CNTNAP3B: variants seen among roughly 807,000 people sequenced by gnomAD.
CNTNAP3B encodes the protein contactin-associated protein-like 3B.
A neutral mutation model predicts 108.9 loss-of-function variants in CNTNAP3B; 25 were observed. That is an observed-to-expected ratio of 0.23 (90% CI 0.17 to 0.32). CNTNAP3B has a LOEUF of 0.32. Ranked by LOEUF, CNTNAP3B falls within the 10% of genes least tolerant of loss-of-function variation. CNTNAP3B has a pLI of 1.00. For synonymous variants in CNTNAP3B, 103 were observed against 473.4 expected (o/e 0.22, Z 10.16); for missense variants, 252 against 1,210.4 (o/e 0.21, Z 11.75).
At chr9:41,975,167 G>A in intron 9 of CNTNAP3B, 1 of 192,404 alleles carries the variant, frequency 5.2e-6, no homozygotes, top group Admixed American at 6.6e-5. Context: ...CGGTGGGGAA[G>A]ACTAGCAAAT....
At chr9:41,931,012 A>T (rs1233514659) in intron 14 of CNTNAP3B, among the ~76,000 whole-genome samples, 2 of 152,200 alleles carry the variant, frequency 1.3e-5, no homozygotes, top group South Asian at 4.1e-4. Context: ...CAGACAAAAC[A>T]CTCTTAGTCC....
intron 12 of CNTNAP3B, among the ~76,000 whole-genome samples, chr9:41,957,609 T>C (rs1445298594): frequency 3.4e-5 from 5 of 148,778 alleles, no homozygotes; most frequent in Admixed American, 6.7e-5. Context: ...AGAATTTCCA[T>C]CTTGCTGCTT....
chr9:41,932,823 G>A (rs1295575549), intron 14 of CNTNAP3B, among the ~76,000 whole-genome samples: 1 of 152,168 alleles, frequency 6.6e-6, no homozygotes, highest in Non-Finnish European at 1.5e-5. Flanking sequence ...CAGCCCAACT[G>A]TTAATGATTA....
chr9:41,924,397 A>G (rs1300389869), intron 15 of CNTNAP3B, among the ~76,000 whole-genome samples: 3 of 152,292 alleles, frequency 2.0e-5, no homozygotes, highest in Non-Finnish European at 2.9e-5. Context: ...ATCACCTCAA[A>G]GGTACGACCA....
chr9:42,026,574 A>G lies in CNTNAP3B; in HGVS notation c.391-13049T>C, dbSNP rs1826412409. On this transcript the variant is annotated intron_variant, in intron 3 of 23. Transcript: ENST00000377561. ...GGCACGGCACTCCAGCCCGGGCGAC[A>G]GAGTGAGCCTCCGTCTCAGGGAAAA... Among the ~76,000 whole-genome samples the G allele has an allele frequency of 3.3e-5, 3 of 92,168 alleles. 1 individual carries two copies. Among genetic ancestry groups the G allele is most frequent in the Admixed American group, 2.2e-4 (2 of 9,024 alleles). 60.5% of individuals were successfully genotyped at this position (92,168 alleles called of 152,430 possible).
chr9:42,010,378 C>T (rs1826111625), intron 4 of CNTNAP3B, among the ~76,000 whole-genome samples: 1 of 149,142 alleles, frequency 6.7e-6, no homozygotes. Context: ...TGAAATCATG[C>T]AAGGTGTAAT....
chr9:42,096,365 T>A (rs1314770250), intron 2 of CNTNAP3B, among the ~76,000 whole-genome samples: 1 of 140,376 alleles, frequency 7.1e-6, no homozygotes, highest in East Asian at 2.2e-4. Context: ...AGCAGAAAAA[T>A]TAAAACACCT....
intron 14 of CNTNAP3B, among the ~76,000 whole-genome samples, chr9:41,934,460 A>T (rs1384450355): frequency 6.6e-6 from 1 of 152,254 alleles, no homozygotes; most frequent in Non-Finnish European, 1.5e-5. Flanking sequence ...TGACCTTGTG[A>T]TCTGCCCGCC....
In CNTNAP3B at chr9:42,128,218, T is replaced by A. The variant is rs1328428574; in HGVS notation, c.85+792A>T. ...GTGATAAAATATGGGTACATTATGT[T>A]TTGCTCATCTGTCTGGAATATCATC... On this transcript the variant is annotated intron_variant, in intron 1 of 23. Transcript: ENST00000377561. 1.4e-5 allele frequency among the ~76,000 whole-genome samples: 2 copies of A among 140,114 alleles called. 1 individual carries two copies. The highest frequency in any genetic ancestry group is 3.1e-5 in the Non-Finnish European group (2 of 65,190). 91.9% of individuals were successfully genotyped at this position (140,114 alleles called of 152,430 possible). A position where few individuals can be genotyped will look rare whatever the true frequency, so the allele number is the denominator to read the frequency against.
At position 42,111,308 on chromosome 9, in the gene CNTNAP3B, G is replaced by T. The variant is rs948358178; in HGVS notation, c.86-6569C>A. ...TTTGTTGAAAATCTATACTGTGCCA[G>T]GTGTGCCCCTATGTTCTGGGGATAT... On this transcript the variant is annotated intron_variant, in intron 1 of 23. Coordinates refer to ENST00000377561, the MANE Select transcript of CNTNAP3B (RefSeq NM_001201380.3). Among the ~76,000 whole-genome samples, 12 of 139,322 alleles carry T rather than the reference G, an allele frequency of 8.6e-5. 2 individuals are homozygous for T. The highest frequency in any genetic ancestry group is 7.1e-4 in the Admixed American group (10 of 14,026). The allele number at this position is 139,322 out of a possible 152,430, so 91.4% of individuals were successfully genotyped here.
At chr9:41,944,806 A>G (rs1220207432) in intron 13 of CNTNAP3B, among the ~76,000 whole-genome samples, 1 of 152,296 alleles carries the variant, frequency 6.6e-6, no homozygotes, top group Non-Finnish European at 1.5e-5. Flanking sequence ...GCACAGCAAA[A>G]GAAACTACCA....
chr9:42,111,328 G>A (rs1828189041), intron 1 of CNTNAP3B, among the ~76,000 whole-genome samples: 1 of 138,742 alleles, frequency 7.2e-6, no homozygotes, highest in Non-Finnish European at 1.5e-5. Flanking sequence ...TATGTTCTGG[G>A]GATATAACCA....
intron 1 of CNTNAP3B, among the ~76,000 whole-genome samples, chr9:42,109,915 G>C (rs1828158911): frequency 7.3e-6 from 1 of 137,602 alleles, no homozygotes; most frequent in African/African-American, 2.9e-5. Context: ...AAAGAGAAGA[G>C]GGTGTGAAAA....
At chr9:41,961,783 C>T (rs1225321879) in intron 11 of CNTNAP3B, among the ~76,000 whole-genome samples, 1 of 152,286 alleles carries the variant, frequency 6.6e-6, no homozygotes, top group East Asian at 1.9e-4. Flanking sequence ...GAAAGATATC[C>T]CTATATAATG....
At chr9:42,055,107 C>A (rs1337494655) in intron 3 of CNTNAP3B, among the ~76,000 whole-genome samples, 1 of 138,942 alleles carries the variant, frequency 7.2e-6, no homozygotes, top group Non-Finnish European at 1.5e-5. Flanking sequence ...GCATTAAAAT[C>A]ACTACTTATT....
At chr9:41,963,201 A>G (rs1367798353) in intron 11 of CNTNAP3B, among the ~76,000 whole-genome samples, 2 of 152,296 alleles carry the variant, frequency 1.3e-5, no homozygotes, top group Non-Finnish European at 2.9e-5. Flanking sequence ...TGAAAATCAA[A>G]TGTCTCATGG....
At chr9:41,926,592 G>T (rs1823826490) in intron 15 of CNTNAP3B, 1 of 152,290 alleles carries the variant, frequency 6.6e-6, no homozygotes, top group Non-Finnish European at 1.5e-5. Flanking sequence ...CTTCCTAGTT[G>T]CTGGGACTAC....
In CNTNAP3B at chr9:42,095,692, T is replaced by C. The variant is rs1336249112; in HGVS notation, c.196+8937A>G. 2.2e-5 allele frequency among the ~76,000 whole-genome samples: 3 copies of C among 139,174 alleles called. No homozygotes were observed. The South Asian group carries it at 6.9e-4, about 32-fold the overall frequency. The allele number at this position is 139,174 out of a possible 152,430, so 91.3% of individuals were successfully genotyped here. On this transcript the variant is annotated intron_variant, in intron 2 of 23. Transcript: ENST00000377561. Reference sequence around the variant, plus strand: ...TTCTGGCTGATACAGAGACTGGAAGTAGTCACAACAGGTGTCTCCGTCCAG... The same window carrying C: ...TTCTGGCTGATACAGAGACTGGAAGCAGTCACAACAGGTGTCTCCGTCCAG...
rs1828604901 is a variant in CNTNAP3B, at chr9:42,127,796, G to A, written c.85+1214C>T. ...ACAACTGAATCATGATGCACAGTGAGTGCATGAACCCATGTGCGTGCCCTG... is the reference window on the plus strand; with the variant it reads ...ACAACTGAATCATGATGCACAGTGAATGCATGAACCCATGTGCGTGCCCTG... On this transcript the variant is annotated intron_variant, in intron 1 of 23. Transcript: ENST00000377561. 1.4e-5 allele frequency among the ~76,000 whole-genome samples: 2 copies of A among 139,624 alleles called. 1 individual carries two copies. Among genetic ancestry groups the A allele is most frequent in the South Asian group, 4.6e-4 (2 of 4,358 alleles). 91.6% of individuals were successfully genotyped at this position (139,624 alleles called of 152,430 possible). A position where few individuals can be genotyped will look rare whatever the true frequency, so the allele number is the denominator to read the frequency against.
Sources: gnomAD v4.1 joint callset for allele counts (sites outside exome capture counted in the v4.1 genomes callset) on GRCh38, gnomAD v4.1.1 for gene constraint, MANE v1.5 for transcripts, NCBI Gene and HGNC (gene_info 2026-07-23, HGNC 2026-07-21) for gene names.